Variants in DNAH1 observed in about 807,000 individuals in gnomAD.
DNAH1 encodes axonemal beta dynein heavy chain 1.
Under a neutral mutation model 484.3 loss-of-function variants are expected in DNAH1, and 327 were observed. That is an observed-to-expected ratio of 0.68 (90% confidence interval 0.62 to 0.74). The LOEUF (loss-of-function observed/expected upper bound fraction) is 0.74, where lower values mean the gene tolerates loss of function less well. Among genes scored for constraint, DNAH1 ranks in the 30% least tolerant of loss-of-function variants. The pLI is 0.00. For missense variants in DNAH1, 5,052 were observed against 5,546.8 expected (o/e 0.91, Z 2.83); for synonymous variants, 2,192 against 2,191.9 (o/e 1.00, Z 0.00).
intron 8 of DNAH1, among the ~76,000 whole-genome samples, chr3:52,344,000 C>T (rs1702045198): frequency 6.6e-6 from 1 of 152,192 alleles, no homozygotes. Flanking sequence ...GTGCAGGGGT[C>T]ACCCACCCTC....
intron 4 of DNAH1, among the ~76,000 whole-genome samples, 191 bp downstream of exon 4, chr3:52,326,505 T>C (rs750458235): frequency 3.3e-5 from 5 of 152,122 alleles, no homozygotes; most frequent in Admixed American, 6.5e-5. Flanking sequence ...GAAGGTGGCA[T>C]TGAGGTCAAT....
intron 8 of DNAH1, among the ~76,000 whole-genome samples, chr3:52,341,036 G>A (rs909295710): frequency 6.6e-6 from 1 of 151,138 alleles, no homozygotes; most frequent in African/African-American, 2.4e-5. Context: ...AATCGATATA[G>A]CCACCTTACC....
rs778115355 is a variant in DNAH1, at chr3:52,372,974, G to A, written c.6906G>A (p.Glu2302=). The A allele has an allele frequency of 1.2e-6, 2 of 1,613,726 alleles. No individual in the cohort carries two copies. The highest frequency in any genetic ancestry group is 1.7e-6 in the Non-Finnish European group (2 of 1,179,884). ...ATGACCTGAACATGCCGGCCCTGGA[G>A]ACCTACGGTGCACAGCCACCCATCG... ...FIDDLNMPAL[E]TYGAQPPIEL... The change falls in exon 44 of 78, where the codon GAG becomes GAA. Residue 2302 remains glutamate (E), a synonymous_variant. Transcript: ENST00000420323.
At chr3:52,365,052 G>A in intron 34 of DNAH1, 33 bp downstream of exon 34, 2 of 1,582,908 alleles carry the variant, frequency 1.3e-6, no homozygotes, top group Non-Finnish European at 1.7e-6. Context: ...TCGTGGAGGG[G>A]CTGGCCATGG....
upstream of DNAH1, among the ~76,000 whole-genome samples, chr3:52,315,266 T>C (rs902278715): frequency 3.3e-5 from 5 of 152,072 alleles, no homozygotes; most frequent in African/African-American, 1.2e-4. Context: ...AGAGGGAGGC[T>C]GGGGACAGGT....
At chr3:52,357,807 A>G in intron 23 of DNAH1, 72 bp downstream of exon 23, 1 of 1,574,898 alleles carries the variant, frequency 6.3e-7, no homozygotes, top group East Asian at 2.3e-5. Flanking sequence ...GGCCCTGCTC[A>G]GGCTAGGGTG....
At chr3:52,389,240 C>T (rs541061096) in intron 59 of DNAH1, among the ~76,000 whole-genome samples, 17 of 152,362 alleles carry the variant, frequency 1.1e-4, no homozygotes, top group Admixed American at 1.0e-3. Context: ...TCCTCATAGC[C>T]GCCATTACAG....
rs141565679 is a variant in DNAH1, at chr3:52,319,927, G to A, written c.-34-2482G>A. Among the ~76,000 whole-genome samples the A allele has an allele frequency of 6.0e-3, 920 of 152,298 alleles. 10 individuals carry two copies. Among genetic ancestry groups the A allele is most frequent in the African/African-American group, 0.02 (839 of 41,558 alleles). On this transcript the variant is annotated intron_variant, in intron 1 of 77. Transcript: ENST00000420323. Reference sequence around the variant, plus strand: ...CTTGCATGGAGGGAAACAGTTTACCGGGGCAGCAAGTTCACCCATTATGGA... The same window carrying A: ...CTTGCATGGAGGGAAACAGTTTACCAGGGCAGCAAGTTCACCCATTATGGA...
At chr3:52,349,525 G>T in intron 14 of DNAH1, 105 bp downstream of exon 14, 1 of 1,130,578 alleles carries the variant, frequency 8.8e-7, no homozygotes, top group Non-Finnish European at 1.3e-6. Context: ...AGGGTCTGGG[G>T]TGTCTGTGGA....
At chr3:52,330,987 G>A (rs1701522368) in intron 6 of DNAH1, among the ~76,000 whole-genome samples, 161 bp from the exon 7 acceptor site, 1 of 152,204 alleles carries the variant, frequency 6.6e-6, no homozygotes, top group African/African-American at 2.4e-5. Flanking sequence ...CTGGGAGGAA[G>A]CAGGGCCCTG....
chr3:52,390,816 G>A, intron 60 of DNAH1, 119 bp from the exon 61 acceptor site: 1 of 1,443,548 alleles, frequency 6.9e-7, no homozygotes, highest in Admixed American at 2.1e-5. Flanking sequence ...AACCTCCAAG[G>A]GGATGCAGTA....
intron 22 of DNAH1, among the ~76,000 whole-genome samples, chr3:52,357,099 A>G (rs1578134007): frequency 6.6e-6 from 1 of 150,488 alleles, no homozygotes; most frequent in Middle Eastern, 3.4e-3. Flanking sequence ...CCATGGTGCA[A>G]TCTCGGCTCA....
chr3:52,313,079 G>A (rs1351301148), upstream of DNAH1, among the ~76,000 whole-genome samples: 1 of 152,196 alleles, frequency 6.6e-6, no homozygotes, highest in East Asian at 1.9e-4. Flanking sequence ...GAGCCACCAC[G>A]CCTCGCCAGT....
In DNAH1 at chr3:52,360,422, C is replaced by T. The variant is rs779382287; in HGVS notation, c.4683C>T (p.Asp1561=). 7.4e-6 allele frequency: 12 copies of T among 1,612,470 alleles called. No homozygotes were observed. The Admixed American group carries it at 2.0e-4, about 27-fold the overall frequency. ...GGCTGGTGATCACGCCCCTCACCGA[C>T]AGGTAAGCGTTCCCCTCTTGCTCCT... ...SGRLVITPLT[D]RCYLTLTGAL... is the part of the protein sequence containing the mutation. Residue 1561 remains aspartate (D), a splice_region_variant and synonymous_variant, in exon 28 of 78, where the codon GAC becomes GAT. Coordinates refer to ENST00000420323, the MANE Select transcript of DNAH1 (RefSeq NM_015512.5).
chr3:52,368,057 C>T lies in DNAH1; in HGVS notation c.5766-684C>T, dbSNP rs1027602509. ...CAGTGGGTGGAAAATCCAGAGGAAACATCAGTGGTGAGGGGGATTCTGGTT... is the reference window on the plus strand; with the variant it reads ...CAGTGGGTGGAAAATCCAGAGGAAATATCAGTGGTGAGGGGGATTCTGGTT... On this transcript the variant is annotated intron_variant, in intron 36 of 77. Transcript: ENST00000420323. The surrounding 1 kb of genome is among the most constrained non-coding windows in gnomAD (Gnocchi z 4.4). Among the ~76,000 whole-genome samples the T allele has an allele frequency of 3.3e-5, 5 of 152,100 alleles. No individual in the cohort carries two copies. Among genetic ancestry groups the T allele is most frequent in the Admixed American group, 6.5e-5 (1 of 15,276 alleles).
rs578169982 is a variant in DNAH1, at chr3:52,373,102, C to T, written c.6985+49C>T. The stretch of plus-strand genomic sequence containing the variant: ...CAGGGCAAGGGCTACGCGTGCTGTG[C>T]AGGGGCACAGGAGGCACAGCACTGA... On this transcript the variant is annotated intron_variant, in intron 44 of 77. Coordinates refer to ENST00000420323, the MANE Select transcript of DNAH1 (RefSeq NM_015512.5). The T allele has an allele frequency of 1.9e-6, 3 of 1,552,600 alleles. No individual in the cohort carries two copies. In the Admixed American group the frequency reaches 5.9e-5, roughly 30 times the overall value.
chr3:52,353,200 A>AT lies in DNAH1; in HGVS notation c.3126dup (p.Asp1043Ter). On this transcript the variant is annotated frameshift_variant, in exon 19 of 78. Coordinates refer to ENST00000420323, the MANE Select transcript of DNAH1 (RefSeq NM_015512.5). LOFTEE classifies it high-confidence loss of function. The surrounding 1 kb of genome is among the most constrained non-coding windows in gnomAD (Gnocchi z 5.0). ...CTGCGCTGGTCGGAGAGCTGGATGAATGACCCCCTCTCTGCCATCGATGCT... is the reference window on the plus strand; with the variant it reads ...CTGCGCTGGTCGGAGAGCTGGATGAATTGACCCCCTCTCTGCCATCGATGCT... 1 of 1,613,998 alleles carries AT rather than the reference A, an allele frequency of 6.2e-7. No individual in the cohort carries two copies. The highest frequency in any genetic ancestry group is 1.1e-5 in the South Asian group (1 of 91,084).
In DNAH1 at chr3:52,358,551, C is replaced by T; in HGVS notation, c.4087-7C>T. 1 of 1,601,502 alleles carries T rather than the reference C, an allele frequency of 6.2e-7. No homozygotes were observed. Among genetic ancestry groups the T allele is most frequent in the Non-Finnish European group, 8.5e-7 (1 of 1,174,388 alleles). ...TGACCCCACTCCTGCTCCTCCACTG[C>T]TTGCAGCTGCTATTCCAGGAGGACC... On this transcript the variant is annotated splice_region_variant and splice_polypyrimidine_tract_variant and intron_variant, in intron 24 of 77. Transcript: ENST00000420323. The surrounding 1 kb of genome is among the most constrained non-coding windows in gnomAD (Gnocchi z 4.2).
chr3:52,367,298 G>C lies in DNAH1; in HGVS notation c.5765+411G>C, dbSNP rs1243384014. ...AGACTGCTGAGACGTCGGCACCTCAGGGGCTTTTCTCTAAGGCTATTCTGT... is the reference window on the plus strand; with the variant it reads ...AGACTGCTGAGACGTCGGCACCTCACGGGCTTTTCTCTAAGGCTATTCTGT... On this transcript the variant is annotated intron_variant, in intron 36 of 77. Transcript: ENST00000420323. Among the ~76,000 whole-genome samples the C allele has an allele frequency of 7.2e-5, 11 of 152,252 alleles. No individual in the cohort carries two copies. In the East Asian group the frequency reaches 2.1e-3, roughly 30 times the overall value.
Sources: allele counts gnomAD v4.1 joint callset (sites outside exome capture counted in the v4.1 genomes callset), GRCh38; gene constraint gnomAD v4.1.1; non-coding constraint Gnocchi (gnomAD v3.1); transcripts MANE v1.5; gene names NCBI Gene and HGNC (gene_info 2026-07-23, HGNC 2026-07-21).